Variants in OSBPL10 observed in about 807,000 individuals in gnomAD.
The protein encoded by OSBPL10 is oxysterol binding protein like 10.
OSBPL10 carries 49 observed loss-of-function variants against 81.7 expected under a neutral mutation model. The ratio of observed to expected loss-of-function variants is 0.60; its 90% confidence interval spans 0.48 to 0.76. The LOEUF (loss-of-function observed/expected upper bound fraction) is 0.76, where lower values mean the gene tolerates loss of function less well. Among genes scored for constraint, OSBPL10 ranks in the 30% least tolerant of loss-of-function variants. OSBPL10 has a pLI of 0.00. For synonymous variants in OSBPL10, 419 were observed against 383.6 expected, an observed-to-expected ratio of 1.09 and a Z score of -1.08; for missense variants, 923 against 987.8, an observed-to-expected ratio of 0.93 and a Z score of 0.88.
In OSBPL10 at chr3:31,662,038, G is replaced by A; in HGVS notation, c.*34C>T. The A allele has an allele frequency of 1.9e-6, 3 of 1,610,232 alleles. No individual in the cohort carries two copies. Among genetic ancestry groups the A allele is most frequent in the Non-Finnish European group, 2.5e-6 (3 of 1,178,460 alleles). On this transcript the variant is annotated 3_prime_UTR_variant, in exon 12 of 12. Transcript: ENST00000396556. ...CTACTTTAATATTCCTACAAAAACA[G>A]GGCTATACTGGAAAGCTCTGCACCT...
Position 31,981,153 on chromosome 3 carries a change from G to T in OSBPL10, c.27C>A (p.Asp9Glu). ...TGCTGCTGTTGCTACCCCCGCCGCCGTCTGTGCCCTGGACTGCCCTCTCCA... is the reference window on the plus strand; with the variant it reads ...TGCTGCTGTTGCTACCCCCGCCGCCTTCTGTGCCCTGGACTGCCCTCTCCA... MERAVQGT[D>E]GGGGSNSSSR... Residue 9 changes from aspartate (D) to glutamate (E), a missense_variant, in exon 1 of 12, where the codon GAC becomes GAA. Asp to Glu is a conservative substitution (Grantham distance 45). Coordinates refer to ENST00000396556, the MANE Select transcript of OSBPL10 (RefSeq NM_017784.5). This position sits in a 1 kb window ranked among gnomAD's most constrained non-coding sequence, Gnocchi z 4.5. The T allele has an allele frequency of 6.7e-7, 1 of 1,489,234 alleles. No individual in the cohort carries two copies. Among genetic ancestry groups the T allele is most frequent in the South Asian group, 1.3e-5 (1 of 79,122 alleles). The allele number at this position is 1,489,234 out of a possible 1,614,324, so 92.3% of individuals were successfully genotyped here.
At chr3:31,668,450 G>A (rs911810748) in intron 10 of OSBPL10, among the ~76,000 whole-genome samples, 192 bp downstream of exon 10, 5 of 152,182 alleles carry the variant, frequency 3.3e-5, no homozygotes, top group African/African-American at 1.2e-4. Flanking sequence ...ACAGAATGAC[G>A]TAACTGAAAG....
At chr3:31,681,774 G>C (rs9814434) in intron 8 of OSBPL10, among the ~76,000 whole-genome samples, 2 of 152,270 alleles carry the variant, frequency 1.3e-5, no homozygotes, top group African/African-American at 4.8e-5. Flanking sequence ...TCAGAAATCA[G>C]TGCTCACTCA....
intron 1 of OSBPL10, among the ~76,000 whole-genome samples, chr3:31,882,269 T>A (rs1159204395): frequency 6.6e-6 from 1 of 152,234 alleles, no homozygotes; most frequent in Non-Finnish European, 1.5e-5. Flanking sequence ...CTATCTATTT[T>A]ACTCTTCTTC....
intron 1 of OSBPL10, among the ~76,000 whole-genome samples, chr3:31,964,206 G>A (rs2125469451): frequency 6.6e-6 from 1 of 151,976 alleles, no homozygotes; most frequent in Non-Finnish European, 1.5e-5. Context: ...ACCTAGGCTG[G>A]AGTACAGTGC....
chr3:31,833,703 A>AGG (rs1559484662), intron 3 of OSBPL10, among the ~76,000 whole-genome samples: 2 of 137,062 alleles, frequency 1.5e-5, no homozygotes, highest in African/African-American at 6.4e-5. Flanking sequence ...GCACACGCAC[A>AGG]CGCACACACA....
At chr3:31,872,237 AC>A (rs1701347458) in intron 3 of OSBPL10, among the ~76,000 whole-genome samples, 2 of 152,004 alleles carry the variant, frequency 1.3e-5, no homozygotes, top group African/African-American at 4.8e-5. Flanking sequence ...CCTAGAAGGG[AC>A]CCCACCACCC....
At chr3:31,876,882 T>C (rs975407570) in intron 2 of OSBPL10, among the ~76,000 whole-genome samples, 2 of 150,976 alleles carry the variant, frequency 1.3e-5, no homozygotes, top group Non-Finnish European at 2.9e-5. Context: ...CTTGTGTAGC[T>C]AATATGAGTA....
At chr3:31,775,311 A>G (rs1364087535) in intron 4 of OSBPL10, among the ~76,000 whole-genome samples, 2 of 152,194 alleles carry the variant, frequency 1.3e-5, no homozygotes, top group Admixed American at 1.3e-4. Flanking sequence ...ACTGAGAACC[A>G]TGGAACCCAA....
chr3:31,687,873 T>C (rs986827552), intron 7 of OSBPL10, among the ~76,000 whole-genome samples: 1 of 142,834 alleles, frequency 7.0e-6, no homozygotes, highest in Non-Finnish European at 1.5e-5. Flanking sequence ...CTGGGCAACA[T>C]AGTGAGAACC....
chr3:31,852,248 C>T (rs1700787023), intron 3 of OSBPL10, among the ~76,000 whole-genome samples: 1 of 152,158 alleles, frequency 6.6e-6, no homozygotes, highest in South Asian at 2.1e-4. Flanking sequence ...TGACTGTGCT[C>T]CTTCCCCTCC....
chr3:31,669,701 A>G (rs1700279070), intron 9 of OSBPL10, among the ~76,000 whole-genome samples: 1 of 152,094 alleles, frequency 6.6e-6, no homozygotes, highest in African/African-American at 2.4e-5. Flanking sequence ...CTCCCTCTCC[A>G]CCACTGAGCT....
intron 4 of OSBPL10, among the ~76,000 whole-genome samples, chr3:31,761,040 G>A (rs935045048): frequency 4.0e-5 from 6 of 151,840 alleles, no homozygotes; most frequent in East Asian, 1.9e-4. Context: ...ATTCTCAGTC[G>A]TGTGTGAGCT....
At chr3:32,000,449 CA>C (rs1699133931) in intron 2 of OSBPL10, among the ~76,000 whole-genome samples, 2 of 152,206 alleles carry the variant, frequency 1.3e-5, no homozygotes, top group Non-Finnish European at 2.9e-5. Flanking sequence ...AAGATCACCC[CA>C]CCACACCAGT....
In OSBPL10 at chr3:31,919,640, T is replaced by G. The variant is rs1240972694; in HGVS notation, c.282-39810A>C. 3.3e-5 allele frequency: 5 copies of G among 152,314 alleles called. No individual in the cohort carries two copies. The East Asian group carries it at 9.6e-4, about 29-fold the overall frequency. 9.4% of individuals were successfully genotyped at this position (152,314 alleles called of 1,614,324 possible). A position where few individuals can be genotyped will look rare whatever the true frequency, so the allele number is the denominator to read the frequency against. ...CTAAGTGAGGATCTGATTTGTCTCT[T>G]TCACCCAATCATATCACCAGAGTTA... is the stretch of plus-strand genomic sequence containing the variant. On this transcript the variant is annotated intron_variant, in intron 1 of 11. Transcript: ENST00000396556.
At chr3:31,788,984 GTTT>G (rs965925637) in intron 4 of OSBPL10, among the ~76,000 whole-genome samples, 3 of 148,912 alleles carry the variant, frequency 2.0e-5, no homozygotes, top group African/African-American at 7.4e-5. Flanking sequence ...GTTTTGTTTT[GTTT>G]TTTGTTTTTG....
intron 4 of OSBPL10, among the ~76,000 whole-genome samples, chr3:31,810,580 A>G (rs1699654565): frequency 6.6e-6 from 1 of 152,168 alleles, no homozygotes; most frequent in African/African-American, 2.4e-5. Flanking sequence ...ATATACATAT[A>G]TATAAAACTC....
intron 2 of OSBPL10, among the ~76,000 whole-genome samples, chr3:31,995,561 G>T (rs998786543): frequency 6.6e-6 from 1 of 152,016 alleles, no homozygotes; most frequent in African/African-American, 2.4e-5. Context: ...ACTTCATATT[G>T]TTCAAACACA....
At chr3:31,981,269 G>A (rs530572060), upstream of OSBPL10, 59 of 1,299,318 alleles carry the variant, frequency 4.5e-5, no homozygotes, top group South Asian at 1.2e-3. This position sits in a 1 kb window ranked among gnomAD's most constrained non-coding sequence, Gnocchi z 4.5. Flanking sequence ...GGACGCCCGG[G>A]CCGCGCGTGC....
Sources: allele counts gnomAD v4.1 joint callset (sites outside exome capture counted in the v4.1 genomes callset), GRCh38; gene constraint gnomAD v4.1.1; non-coding constraint Gnocchi (gnomAD v3.1); transcripts MANE v1.5; gene names NCBI Gene and HGNC (gene_info 2026-07-23, HGNC 2026-07-21).